Variants in TMC2 observed in about 807,000 individuals in gnomAD.
TMC2 encodes the protein transmembrane channel-like protein 2.
Under a neutral mutation model 105.9 loss-of-function variants are expected in TMC2, and 102 were observed. The observed-to-expected ratio is 0.96, with a 90% CI of 0.82 to 1.14. The LOEUF (loss-of-function observed/expected upper bound fraction) is 1.14. Among genes scored for constraint, TMC2 ranks in the 50% most tolerant of loss-of-function variants. The pLI is 0.00. For missense variants in TMC2, 1,093 were observed against 1,134.3 expected, an observed-to-expected ratio of 0.96 and a Z score of 0.52; for synonymous variants, 402 against 422.8, an observed-to-expected ratio of 0.95 and a Z score of 0.60.
intron 11 of TMC2, among the ~76,000 whole-genome samples, chr20:2,603,402 C>A (rs577613695): frequency 6.6e-6 from 1 of 152,160 alleles, no homozygotes; most frequent in South Asian, 2.1e-4. Flanking sequence ...AAATATAAAG[C>A]ACAAAATCAG....
chr20:2,578,210 C>T (rs982286258), intron 5 of TMC2, among the ~76,000 whole-genome samples: 1 of 152,084 alleles, frequency 6.6e-6, no homozygotes. Flanking sequence ...ATCCCAGCTA[C>T]TCAGGAGGCT....
Position 2,625,023 on chromosome 20 carries a change from C to T in TMC2, c.2306+627C>T, listed in dbSNP as rs147722121. 5.3e-5 allele frequency among the ~76,000 whole-genome samples: 8 copies of T among 152,176 alleles called. No individual in the cohort carries two copies. In the East Asian group the frequency reaches 7.7e-4, roughly 15 times the overall value. On this transcript the variant is annotated intron_variant, in intron 17 of 19. Transcript: ENST00000358864. ...CTCAACAACCATTAGAGAACAAGTT[C>T]GAAAATCTCTGTATCCCCGGTGCCA...
intron 7 of TMC2, among the ~76,000 whole-genome samples, chr20:2,583,257 T>C (rs917242072): frequency 6.6e-6 from 1 of 152,214 alleles, no homozygotes; most frequent in Non-Finnish European, 1.5e-5. Flanking sequence ...AAATAGAATA[T>C]AGAATGGTTA....
intron 12 of TMC2, 52 bp downstream of exon 12, chr20:2,610,650 T>C (rs371334539): frequency 6.1e-6 from 7 of 1,140,378 alleles, no homozygotes; most frequent in East Asian, 6.5e-5. Context: ...GCCCATAGTA[T>C]TTTCTTTTTT....
intron 17 of TMC2, among the ~76,000 whole-genome samples, chr20:2,631,654 G>A (rs2086603822): frequency 1.3e-5 from 2 of 148,344 alleles, no homozygotes; most frequent in African/African-American, 4.9e-5. Context: ...AGGCTTTCTT[G>A]TATATGATTA....
rs777604014 is a variant in TMC2 at position 2,602,167 on chromosome 20, A to C, written c.1279A>C (p.Arg427=). The C allele has an allele frequency of 1.2e-5, 19 of 1,613,152 alleles. No homozygotes were observed. Among genetic ancestry groups the C allele is most frequent in the Non-Finnish European group, 1.5e-5 (18 of 1,179,702 alleles). ...CAAAGAAGAAAATATCCATCTGACA[A>C]GATTTCTTCGTGTCCTGGCCAACTT... ...SNKEENIHLT[R]FLRVLANFLI... Residue 427 remains arginine (R), a synonymous_variant, in exon 11 of 20, where the codon AGA becomes CGA. Coordinates refer to ENST00000358864, the MANE Select transcript of TMC2 (RefSeq NM_080751.3).
chr20:2,569,047 C>A (rs1306104690), intron 4 of TMC2, among the ~76,000 whole-genome samples: 2 of 152,172 alleles, frequency 1.3e-5, no homozygotes, highest in Non-Finnish European at 2.9e-5. Context: ...CTAAGACGGA[C>A]TTCATTCTTC....
chr20:2,550,968 G>A (rs2085953245), intron 2 of TMC2, among the ~76,000 whole-genome samples: 1 of 152,134 alleles, frequency 6.6e-6, no homozygotes, highest in East Asian at 1.9e-4. Context: ...TTTGTTTTGG[G>A]ACATAAATTT....
chr20:2,621,878 GT>G (rs1368629346), intron 16 of TMC2, among the ~76,000 whole-genome samples: 4 of 152,254 alleles, frequency 2.6e-5, no homozygotes, highest in Middle Eastern at 3.4e-3. Context: ...AATTTGTATT[GT>G]TTTAAGCCAC....
intron 2 of TMC2, among the ~76,000 whole-genome samples, chr20:2,545,240 T>C (rs1186373569): frequency 6.6e-6 from 1 of 151,946 alleles, no homozygotes; most frequent in Non-Finnish European, 1.5e-5. Flanking sequence ...CATAAAGGCA[T>C]GCATACATAC....
At position 2,558,809 on chromosome 20, in the gene TMC2, G is replaced by A. The variant is rs752685207; in HGVS notation, c.401+35G>A. The stretch of plus-strand genomic sequence containing the variant: ...GGCTCCGATTCTGGGCATTCGCTCC[G>A]CGCGCTCCCGCTCCTTCGCGGCCCT... On this transcript the variant is annotated intron_variant, in intron 3 of 19. Coordinates refer to ENST00000358864, the MANE Select transcript of TMC2 (RefSeq NM_080751.3). This position sits in a 1 kb window ranked among gnomAD's most constrained non-coding sequence, Gnocchi z 4.6. 2.7e-6 allele frequency: 4 copies of A among 1,494,862 alleles called. No individual in the cohort carries two copies. Among genetic ancestry groups the A allele is most frequent in the South Asian group, 1.4e-5 (1 of 71,918 alleles). The allele number at this position is 1,494,862 out of a possible 1,614,324, so 92.6% of individuals were successfully genotyped here. A position where few individuals can be genotyped will look rare whatever the true frequency, so the allele number is the denominator to read the frequency against.
At chr20:2,552,258 TAAAC>T (rs1003512596) in intron 2 of TMC2, among the ~76,000 whole-genome samples, 1 of 152,150 alleles carries the variant, frequency 6.6e-6, no homozygotes, top group South Asian at 2.1e-4. Context: ...ACCCTGTCTC[TAAAC>T]AAACAAACAA....
chr20:2,617,286 C>T lies in TMC2; in HGVS notation c.2155C>T (p.Pro719Ser). The T allele has an allele frequency of 6.2e-7, 1 of 1,614,230 alleles. No homozygotes were observed. Among genetic ancestry groups the T allele is most frequent in the Non-Finnish European group, 8.5e-7 (1 of 1,180,042 alleles). Residue 719 changes from proline (P) to serine (S), a missense_variant, in exon 16 of 20, where the codon CCC becomes TCC. Pro to Ser is a moderately conservative substitution (Grantham distance 74). Coordinates refer to ENST00000358864, the MANE Select transcript of TMC2 (RefSeq NM_080751.3). ...PVAYTIMSLP[P>S]SFDCGPFSGK... Reference sequence around the variant, plus strand: ...GGCCTACACCATCATGTCCCTCCCACCCTCCTTTGACTGCGGGCCGTTCAG... The same window carrying T: ...GGCCTACACCATCATGTCCCTCCCATCCTCCTTTGACTGCGGGCCGTTCAG...
chr20:2,617,075 G>A lies in TMC2; in HGVS notation c.1944G>A (p.Met648Ile). 3 of 1,614,190 alleles carry A rather than the reference G, an allele frequency of 1.9e-6. No individual in the cohort carries two copies. Among genetic ancestry groups the A allele is most frequent in the Non-Finnish European group, 2.5e-6 (3 of 1,180,026 alleles). The change falls in exon 16 of 20, where the codon ATG becomes ATA. Residue 648 changes from methionine to isoleucine, a missense_variant. By Grantham distance (10) the Met-to-Ile change is conservative. Coordinates refer to ENST00000358864, the MANE Select transcript of TMC2 (RefSeq NM_080751.3). ...TGTTTGGTTTCTGCCATTCCAGGAT[G>A]GGCTCCTTCTATGCTCCAGGCCTGG... is the stretch of plus-strand genomic sequence containing the variant. ...GLIFNQGMIWMGSFYAPGLVG... is the reference protein window; with the variant it reads ...GLIFNQGMIWIGSFYAPGLVG...
At chr20:2,639,785 G>A (rs774213048) in intron 19 of TMC2, among the ~76,000 whole-genome samples, 7 of 152,122 alleles carry the variant, frequency 4.6e-5, no homozygotes, top group Non-Finnish European at 7.3e-5. Flanking sequence ...ATATCCTGGG[G>A]CTTCAAAGGG....
chr20:2,617,609 CTGAT>C, intron 16 of TMC2: 1 of 415,718 alleles, frequency 2.4e-6, no homozygotes, highest in Non-Finnish European at 4.4e-6. Context: ...TAATTTTTAA[CTGAT>C]AGTTGTACAT....
intron 2 of TMC2, among the ~76,000 whole-genome samples, chr20:2,538,018 G>A (rs531337830): frequency 3.9e-5 from 6 of 152,212 alleles, no homozygotes; most frequent in Admixed American, 6.5e-5. Context: ...GGTTCTGGGG[G>A]GTTGGAAGAG....
intron 9 of TMC2, among the ~76,000 whole-genome samples, chr20:2,595,818 G>C (rs1004609875): frequency 2.0e-5 from 3 of 152,096 alleles, no homozygotes; most frequent in African/African-American, 7.2e-5. Flanking sequence ...GTGAAGTCTG[G>C]GTACAGCCCC....
Position 2,616,446 on chromosome 20 carries a change from AAAGG to A in TMC2, c.1940+251_1940+254del, listed in dbSNP as rs2086482725. On this transcript the variant is annotated intron_variant, in intron 15 of 19. Transcript: ENST00000358864. The surrounding 1 kb of genome is among the most constrained non-coding windows in gnomAD (Gnocchi z 4.8). Reference sequence around the variant, plus strand: ...GAGGGGTTGGTGGAGGAGAAAAGGAAAAGGAAGGAAGGCAGGAGAGAAGGAGAAG... The same window carrying A: ...GAGGGGTTGGTGGAGGAGAAAAGGAAAAGGAAGGCAGGAGAGAAGGAGAAG... Among the ~76,000 whole-genome samples the A allele has an allele frequency of 6.6e-6, 1 of 152,000 alleles. No homozygotes were observed. Among genetic ancestry groups the A allele is most frequent in the Admixed American group, 6.6e-5 (1 of 15,248 alleles).
Sources: allele counts gnomAD v4.1 joint callset (sites outside exome capture counted in the v4.1 genomes callset), GRCh38; gene constraint gnomAD v4.1.1; non-coding constraint Gnocchi (gnomAD v3.1); transcripts MANE v1.5; gene names NCBI Gene and HGNC (gene_info 2026-07-23, HGNC 2026-07-21).